Variants in ABCA13 observed in about 807,000 individuals in gnomAD.
The protein encoded by ABCA13 is ATP binding cassette subfamily A member 13.
A neutral mutation model predicts 478.7 loss-of-function variants in ABCA13; 476 were observed. The ratio of observed to expected loss-of-function variants is 0.99; its 90% CI spans 0.92 to 1.07. The LOEUF (loss-of-function observed/expected upper bound fraction) is 1.07, where lower values mean the gene tolerates loss of function less well. Among genes scored for constraint, ABCA13 ranks in the 50% least tolerant of loss-of-function variants. The pLI, the probability that ABCA13 is intolerant of heterozygous loss-of-function variation, is 0.00. For synonymous variants in ABCA13, 2,252 were observed against 2,158.9 expected (o/e 1.04, Z -1.20); for missense variants, 6,060 against 5,910.6 (o/e 1.03, Z -0.83).
chr7:48,274,222 GGA>G lies in ABCA13; in HGVS notation c.4559_4560del (p.Arg1520IlefsTer4), dbSNP rs1795995762. 5.0e-6 allele frequency: 8 copies of G among 1,612,940 alleles called. No individual in the cohort carries two copies. The highest frequency in any genetic ancestry group is 6.8e-6 in the Non-Finnish European group (8 of 1,179,418). On this transcript the variant is annotated frameshift_variant, in exon 17 of 62. Coordinates refer to ENST00000435803, the MANE Select transcript of ABCA13 (RefSeq NM_152701.5). LOFTEE classifies it high-confidence loss of function. ...TTTGATTTTGCATCTCAGTCCAATT[GGA>G]GATATTTTACTGAATTAATTCTAAG... is the stretch of plus-strand genomic sequence containing the variant.
chr7:48,428,073 T>C (rs1821679845), intron 42 of ABCA13, among the ~76,000 whole-genome samples: 1 of 151,638 alleles, frequency 6.6e-6, no homozygotes. Context: ...AAAAACTGTG[T>C]GTTTATGGGA....
chr7:48,325,134 T>C (rs1016472111), intron 27 of ABCA13, among the ~76,000 whole-genome samples: 1 of 152,222 alleles, frequency 6.6e-6, no homozygotes, highest in African/African-American at 2.4e-5. Flanking sequence ...GGAAGCCTGC[T>C]AATTTGTGCC....
intron 3 of ABCA13, among the ~76,000 whole-genome samples, chr7:48,210,864 A>G (rs559798567): frequency 1.3e-5 from 2 of 152,260 alleles, no homozygotes; most frequent in African/African-American, 2.4e-5. Flanking sequence ...CATTTCATCT[A>G]TAGTGTAGAT....
rs1233465258 is a variant in ABCA13, at chr7:48,372,241, C to T, written c.10877C>T (p.Thr3626Ile). The change falls in exon 33 of 62, where the codon ACC (threonine) becomes ATC (isoleucine). Residue 3626 changes from threonine (T) to isoleucine (I), a missense_variant. Thr to Ile is a moderately conservative substitution (Grantham distance 89, BLOSUM62 -1). This residue lies in a region of ABCA13 where 4,423 missense variants were observed against 4,309.1 expected (regional missense o/e 1.03). Transcript: ENST00000435803. ...TTCCTGGAGAACATGGCTGTGTTGA[C>T]CATAAGCAGTGCTACTCTGGCCATC... ...AWFLENMAVL[T>I]ISSATLAIVL... The T allele has an allele frequency of 1.2e-6, 2 of 1,613,904 alleles. No homozygotes were observed. Among genetic ancestry groups the T allele is most frequent in the Admixed American group, 3.3e-5 (2 of 59,990 alleles).
At chr7:48,492,639 G>A (rs1050640641) in intron 48 of ABCA13, among the ~76,000 whole-genome samples, 2 of 152,188 alleles carry the variant, frequency 1.3e-5, no homozygotes, top group Non-Finnish European at 2.9e-5. Context: ...TAATGTCAGT[G>A]TCTCAGGAGT....
intron 27 of ABCA13, among the ~76,000 whole-genome samples, chr7:48,319,968 C>T (rs1267315676): frequency 6.6e-6 from 1 of 152,094 alleles, no homozygotes; most frequent in African/African-American, 2.4e-5. Context: ...CACTTGTACC[C>T]CTCACACCCA....
chr7:48,205,727 T>A (rs558357603), intron 3 of ABCA13, among the ~76,000 whole-genome samples: 1 of 152,372 alleles, frequency 6.6e-6, no homozygotes, highest in South Asian at 2.1e-4. Flanking sequence ...TTTATAGTAT[T>A]TTTTCATGAA....
intron 59 of ABCA13, among the ~76,000 whole-genome samples, chr7:48,623,701 T>A (rs934082126): frequency 1.3e-5 from 2 of 152,184 alleles, no homozygotes; most frequent in Non-Finnish European, 2.9e-5. Flanking sequence ...ATGCCAACTG[T>A]CTGTTCCCTC....
rs764584511 is a variant in ABCA13 at position 48,426,661 on chromosome 7, C to A, written c.12460-1105C>A. On this transcript the variant is annotated intron_variant, in intron 41 of 61. Transcript: ENST00000435803. ...CCAGGGACCAATATCTCTATGGATA[C>A]GTGCAGAGGAAGGGGTGATGGAAGC... 3.3e-5 allele frequency among the ~76,000 whole-genome samples: 5 copies of A among 152,094 alleles called. 1 individual carries two copies. The highest frequency in any genetic ancestry group is 1.2e-4 in the African/African-American group (5 of 41,418).
At chr7:48,416,141 G>A (rs1819941437) in intron 41 of ABCA13, among the ~76,000 whole-genome samples, 1 of 152,114 alleles carries the variant, frequency 6.6e-6, no homozygotes, top group Admixed American at 6.5e-5. Flanking sequence ...ATCTTTTAAA[G>A]CCACTATCTC....
chr7:48,403,570 T>C, intron 38 of ABCA13, 113 bp from the exon 39 acceptor site: 1 of 1,050,144 alleles, frequency 9.5e-7, no homozygotes, highest in Non-Finnish European at 1.4e-6. Context: ...CTCTGTGATA[T>C]ATTTGTGGTT....
rs373585126 is a variant in ABCA13, at chr7:48,296,400, A to G, written c.9119+537A>G. Among the ~76,000 whole-genome samples the G allele has an allele frequency of 7.2e-5, 11 of 152,170 alleles. No individual in the cohort carries two copies. In the East Asian group the frequency reaches 1.7e-3, roughly 24 times the overall value. ...GGCTGACAGATAAAGGGCCTGTCTC[A>G]TAAATTAAATAAATAAATGAATAAA... On this transcript the variant is annotated intron_variant, in intron 21 of 61. Coordinates refer to ENST00000435803, the MANE Select transcript of ABCA13 (RefSeq NM_152701.5).
At chr7:48,210,200 A>G (rs952817131) in intron 3 of ABCA13, among the ~76,000 whole-genome samples, 3 of 152,156 alleles carry the variant, frequency 2.0e-5, no homozygotes, top group African/African-American at 4.8e-5. Flanking sequence ...TGTTCTTCAC[A>G]TGGCGGCAGG....
chr7:48,282,922 T>C (rs2128787069), intron 19 of ABCA13, among the ~76,000 whole-genome samples: 1 of 152,304 alleles, frequency 6.6e-6, no homozygotes, highest in Non-Finnish European at 1.5e-5. Flanking sequence ...GAAATGTTGA[T>C]TGACATTTGT....
intron 19 of ABCA13, among the ~76,000 whole-genome samples, chr7:48,286,219 T>C (rs1223051856): frequency 6.6e-6 from 1 of 152,180 alleles, no homozygotes; most frequent in Non-Finnish European, 1.5e-5. Context: ...GGCTTCACTC[T>C]TGGTGTTGTC....
chr7:48,642,170 CAA>C (rs1440584853), intron 59 of ABCA13, among the ~76,000 whole-genome samples: 2 of 150,002 alleles, frequency 1.3e-5, no homozygotes, highest in African/African-American at 5.1e-5. Context: ...GAAATTAAGA[CAA>C]GAGGACAGAA....
At chr7:48,526,273 C>T (rs1832888674) in intron 54 of ABCA13, among the ~76,000 whole-genome samples, 1 of 152,122 alleles carries the variant, frequency 6.6e-6, no homozygotes, top group South Asian at 2.1e-4. Flanking sequence ...GATTCTGAGG[C>T]TGCCTTTGGG....
chr7:48,379,605 G>A (rs1814034029), intron 35 of ABCA13, among the ~76,000 whole-genome samples: 1 of 151,892 alleles, frequency 6.6e-6, no homozygotes, highest in African/African-American at 2.4e-5. Flanking sequence ...TTAAAAGAAG[G>A]AGAAAGGTCA....
intron 45 of ABCA13, among the ~76,000 whole-genome samples, chr7:48,475,526 C>T (rs1001925621): frequency 2.4e-5 from 3 of 125,836 alleles, no homozygotes; most frequent in Non-Finnish European, 3.2e-5. Flanking sequence ...AGGGCAGTGG[C>T]GTGATCTCGA....
Sources: gnomAD v4.1 joint callset for allele counts (sites outside exome capture counted in the v4.1 genomes callset) on GRCh38, gnomAD v4.1.1 for gene constraint, gnomAD v4.1.1 regional missense constraint, MANE v1.5 for transcripts, NCBI Gene and HGNC (gene_info 2026-07-23, HGNC 2026-07-21) for gene names.